The following PHF19 variants were observed in gnomAD, a reference collection of about 807,000 sequenced individuals.
PHF19 encodes the protein polycomb like 3.
PHF19 carries 21 observed loss-of-function variants against 79.8 expected under a neutral mutation model. That is an observed-to-expected ratio of 0.26 (90% CI 0.19 to 0.38). The LOEUF (loss-of-function observed/expected upper bound fraction) is 0.38, where lower values mean the gene tolerates loss of function less well. PHF19 is among the 10% of genes least tolerant of loss of function. PHF19 has a pLI of 1.00. For missense variants in PHF19, 445 were observed against 744.2 expected (o/e 0.60, Z 4.68); for synonymous variants, 273 against 296.3 (o/e 0.92, Z 0.81).
At chr9:120,868,811 C>G (rs1232797342) in intron 6 of PHF19, 6 of 1,032,668 alleles carry the variant, frequency 5.8e-6, no homozygotes, top group Non-Finnish European at 7.0e-6. Flanking sequence ...GCCTCACCTC[C>G]CTGGGGCCCT....
intron 14 of PHF19, among the ~76,000 whole-genome samples, chr9:120,859,688 G>T (rs1169414417): frequency 6.6e-6 from 1 of 152,126 alleles, no homozygotes; most frequent in East Asian, 1.9e-4. Flanking sequence ...ACCATATTCA[G>T]ACAGCCAAGA....
chr9:120,860,576 T>G lies in PHF19; in HGVS notation c.1305-391A>C. 4.1e-6 allele frequency: 1 copy of G among 245,900 alleles called. No individual in the cohort carries two copies. The highest frequency in any genetic ancestry group is 8.1e-6 in the Non-Finnish European group (1 of 123,164). The allele number at this position is 245,900 out of a possible 1,614,324, so 15.2% of individuals were successfully genotyped here. A position where few individuals can be genotyped will look rare whatever the true frequency, so the allele number is the denominator to read the frequency against. On this transcript the variant is annotated intron_variant, in intron 13 of 14. Transcript: ENST00000373896. This position sits in a 1 kb window ranked among gnomAD's most constrained non-coding sequence, Gnocchi z 4.1. ...ATAGCTAGTACTGATAAGCAGGGTCTGGAGTTCAGGTCTGACTCTAAAGCC... is the reference window on the plus strand; with the variant it reads ...ATAGCTAGTACTGATAAGCAGGGTCGGGAGTTCAGGTCTGACTCTAAAGCC...
chr9:120,865,260 G>C (rs948816895), intron 9 of PHF19, among the ~76,000 whole-genome samples: 2 of 152,232 alleles, frequency 1.3e-5, no homozygotes, highest in African/African-American at 4.8e-5. Context: ...CTCTGGCTCA[G>C]CCTCAAAGCT....
At chr9:120,896,451 CTTTTTTTTTTTTT>C (rs71370604), upstream of PHF19, among the ~76,000 whole-genome samples, 6 of 82,712 alleles carry the variant, frequency 7.3e-5, no homozygotes, top group Admixed American at 1.5e-4. Context: ...TTTTTTTTTT[CTTTTTTTTTTTTT>C]TTTTTGAGAC....
In PHF19 at chr9:120,869,830, G is replaced by C; in HGVS notation, c.465+15C>G. On this transcript the variant is annotated intron_variant, in intron 5 of 14. Coordinates refer to ENST00000373896, the MANE Select transcript of PHF19 (RefSeq NM_015651.3). This position sits in a 1 kb window ranked among gnomAD's most constrained non-coding sequence, Gnocchi z 5.8. ...AGGCAGGAGAGGCAGGGACTGGGGA[G>C]GATGGAAGGCTCACCCGCACAGCCA... 1 of 1,612,942 alleles carries C rather than the reference G, an allele frequency of 6.2e-7. No homozygotes were observed. Among genetic ancestry groups the C allele is most frequent in the Non-Finnish European group, 8.5e-7 (1 of 1,179,654 alleles).
chr9:120,872,891 G>A lies in PHF19; in HGVS notation c.268+1088C>T, dbSNP rs558545574. Among the ~76,000 whole-genome samples, 138 of 151,954 alleles carry A rather than the reference G, an allele frequency of 9.1e-4. 2 individuals carry two copies. Among genetic ancestry groups the A allele is most frequent in the Non-Finnish European group, 1.6e-3 (111 of 67,954 alleles). Reference sequence around the variant, plus strand: ...CCCACCTTGGCCTCCCAAAGTGCTGGGATTACAGGTATGAGCCACTGCGCC... The same window carrying A: ...CCCACCTTGGCCTCCCAAAGTGCTGAGATTACAGGTATGAGCCACTGCGCC... On this transcript the variant is annotated intron_variant, in intron 3 of 14. Transcript: ENST00000373896.
intron 1 of PHF19, chr9:120,876,537 TG>T (rs2046062629): frequency 6.6e-6 from 1 of 151,688 alleles, no homozygotes; most frequent in Admixed American, 6.6e-5. Context: ...AAGAAATGCC[TG>T]TTTGCGGGTT....
At chr9:120,881,590 T>C (rs2046186270), upstream of PHF19, among the ~76,000 whole-genome samples, 1 of 152,200 alleles carries the variant, frequency 6.6e-6, no homozygotes. Flanking sequence ...CCTTCTCAAG[T>C]CTAAAACTTT....
In PHF19 at chr9:120,869,271, C is replaced by G; in HGVS notation, c.525G>C (p.Val175=). The change falls in exon 6 of 15, where the codon GTG becomes GTC. Residue 175 remains valine, a synonymous_variant. Transcript: ENST00000373896. This position sits in a 1 kb window ranked among gnomAD's most constrained non-coding sequence, Gnocchi z 5.8. The part of the protein sequence containing the change: ...IARTLQAVKM[V]LSYQPEELEW... ...CGAGCTCCTCGGGCTGGTAGGACAG[C>G]ACCATCTTCACGGCCTGCAGCGTCC... is the stretch of plus-strand genomic sequence containing the variant. 2 of 1,612,950 alleles carry G rather than the reference C, an allele frequency of 1.2e-6. No homozygotes were observed. The highest frequency in any genetic ancestry group is 1.7e-6 in the Non-Finnish European group (2 of 1,179,752).
At chr9:120,902,525 G>C in the PHF19 span, 1 of 135,468 alleles carries the variant, frequency 7.4e-6, no homozygotes, top group African/African-American at 2.8e-5. Context: ...GGGGGGGGCG[G>C]TGGGCACTGC....
At chr9:120,894,365 C>T (rs2046377908) in intron 1 of PHF19, among the ~76,000 whole-genome samples, 1 of 152,234 alleles carries the variant, frequency 6.6e-6, no homozygotes, top group Admixed American at 6.5e-5. Context: ...GCCCTGAATG[C>T]CAACCTTAGG....
In PHF19 at chr9:120,869,781, G is replaced by T; in HGVS notation, c.465+64C>A. The stretch of plus-strand genomic sequence containing the variant: ...TTGGAGCTCAGACTCTGTGATGGGA[G>T]TCTCTGGTCTGCCCCACTGGAGGAG... On this transcript the variant is annotated intron_variant, in intron 5 of 14. Transcript: ENST00000373896. This position sits in a 1 kb window ranked among gnomAD's most constrained non-coding sequence, Gnocchi z 5.8. 1.9e-6 allele frequency: 3 copies of T among 1,608,270 alleles called. No individual in the cohort carries two copies. Among genetic ancestry groups the T allele is most frequent in the Non-Finnish European group, 2.5e-6 (3 of 1,177,698 alleles).
At chr9:120,886,654 C>T in intron 1 of PHF19, among the ~76,000 whole-genome samples, 1 of 152,368 alleles carries the variant, frequency 6.6e-6, no homozygotes, top group East Asian at 1.9e-4. Context: ...GTTTCCCACT[C>T]CAACGGCTGG....
At chr9:120,887,891 G>A (rs34655689) in intron 1 of PHF19, among the ~76,000 whole-genome samples, 2,422 of 152,190 alleles carry the variant, frequency 0.016, 30 homozygotes, top group Middle Eastern at 0.024. Context: ...GCTTCTCCAG[G>A]GACTGACCGA....
At chr9:120,898,116 CTCT>C (rs1348059070), upstream of PHF19, among the ~76,000 whole-genome samples, 5 of 152,122 alleles carry the variant, frequency 3.3e-5, no homozygotes, top group African/African-American at 1.2e-4. Context: ...CAAACAATCT[CTCT>C]AAGATTGTTT....
upstream of PHF19, chr9:120,894,925 A>G (rs901659766): frequency 7.1e-6 from 4 of 562,124 alleles, no homozygotes; most frequent in Non-Finnish European, 1.1e-5. Flanking sequence ...GACTCCTTAA[A>G]TAACCCAGCA....
chr9:120,861,521 T>C (rs1030656799), intron 12 of PHF19, among the ~76,000 whole-genome samples: 11 of 152,206 alleles, frequency 7.2e-5, no homozygotes, highest in Non-Finnish European at 1.5e-4. Context: ...GAGGCATTGC[T>C]AATACTACTG....
At position 120,874,968 on chromosome 9, in the gene PHF19, G is replaced by C. The variant is rs1198269658; in HGVS notation, c.-15-212C>G. 6.6e-6 allele frequency among the ~76,000 whole-genome samples: 1 copy of C among 152,166 alleles called. No individual in the cohort carries two copies. Among genetic ancestry groups the C allele is most frequent in the Non-Finnish European group, 1.5e-5 (1 of 68,030 alleles). On this transcript the variant is annotated intron_variant, in intron 1 of 14. Coordinates refer to ENST00000373896, the MANE Select transcript of PHF19 (RefSeq NM_015651.3). The surrounding 1 kb of genome is among the most constrained non-coding windows in gnomAD (Gnocchi z 4.5). ...ACAGGTGTGGCAAGGAGAAGAGGCT[G>C]ATGGGCCAAAGGCAGAGCCATGGCC...
At chr9:120,885,496 T>G (rs2046249788) in intron 1 of PHF19, among the ~76,000 whole-genome samples, 1 of 151,248 alleles carries the variant, frequency 6.6e-6, no homozygotes, top group Admixed American at 6.6e-5. Flanking sequence ...GAGAATGGCT[T>G]GAACCCAGGA....
Sources: allele counts gnomAD v4.1 joint callset (sites outside exome capture counted in the v4.1 genomes callset), GRCh38; gene constraint gnomAD v4.1.1; non-coding constraint Gnocchi (gnomAD v3.1); transcripts MANE v1.5; gene names NCBI Gene and HGNC (gene_info 2026-07-23, HGNC 2026-07-21).